Variants in PCDHA4 observed in about 807,000 individuals in gnomAD.
The protein encoded by PCDHA4 is protocadherin alpha-4.
In PCDHA4, 49 loss-of-function variants were observed where a neutral mutation model predicts 61.4. The ratio of observed to expected loss-of-function variants is 0.80; its 90% confidence interval spans 0.63 to 1.01. The LOEUF is 1.01. Among genes scored for constraint, PCDHA4 ranks in the 50% least tolerant of loss-of-function variants. The pLI is 0.00. For missense variants in PCDHA4, 1,254 were observed against 1,235.8 expected (o/e 1.01, Z -0.22); for synonymous variants, 590 against 550.3 (o/e 1.07, Z -1.01).
chr5:140,966,532 G>A (rs1418404048), intron 1 of PCDHA4: 7 of 447,876 alleles, frequency 1.6e-5, no homozygotes, highest in East Asian at 3.5e-5. Flanking sequence ...GAGCCGGGTT[G>A]AGCGACTCGG....
At chr5:140,936,519 G>A (rs77875081) in intron 1 of PCDHA4, among the ~76,000 whole-genome samples, 2,263 of 152,276 alleles carry the variant, frequency 0.015, 25 homozygotes, top group Non-Finnish European at 0.022. Context: ...TAAATTACCT[G>A]AAATTGCTTT....
Position 141,005,651 on chromosome 5 carries a change from G to A in PCDHA4, c.2534-3976G>A, listed in dbSNP as rs1554260215. ...CGGGAGGCGGAGCTTGCAGTGAGTC[G>A]AGATCGCGCCACTGCACTCCAGCCT... On this transcript the variant is annotated intron_variant, in intron 3 of 3. Coordinates refer to ENST00000530339, the MANE Select transcript of PCDHA4 (RefSeq NM_018907.4). Among the ~76,000 whole-genome samples, 4 of 131,238 alleles carry A rather than the reference G, an allele frequency of 3.0e-5. No homozygotes were observed. In the East Asian group the frequency reaches 7.0e-4, roughly 23 times the overall value. The allele number at this position is 131,238 out of a possible 152,430, so 86.1% of individuals were successfully genotyped here.
At chr5:141,000,422 T>TATC (rs1491457105) in intron 3 of PCDHA4, among the ~76,000 whole-genome samples, 2 of 51,852 alleles carry the variant, frequency 3.9e-5, no homozygotes, top group African/African-American at 1.7e-4. Context: ...TATATATATA[T>TATC]TTTTTTTTTT....
chr5:140,858,019 G>C (rs377389644), intron 1 of PCDHA4: 2 of 1,596,850 alleles, frequency 1.3e-6, no homozygotes, highest in Non-Finnish European at 1.7e-6. Flanking sequence ...GCGAGCCGTC[G>C]CTGACGGCCA....
At chr5:140,860,209 G>A (rs1263350528) in intron 1 of PCDHA4, 13 of 147,554 alleles carry the variant, frequency 8.8e-5, no homozygotes, top group Middle Eastern at 7.1e-3. Context: ...ATCTATATAT[G>A]TACTTATGTA....
At position 140,807,373 on chromosome 5, in the gene PCDHA4, C is replaced by T. The variant is rs781951265; in HGVS notation, c.186C>T (p.Arg62=). 3 of 1,607,262 alleles carry T rather than the reference C, an allele frequency of 1.9e-6. No homozygotes were observed. The highest frequency in any genetic ancestry group is 2.5e-6 in the Non-Finnish European group (3 of 1,178,278). ...LGLELAELVP[R]LFRVASKGRG... ...TGGAGCTGGCGGAGCTGGTGCCGCGCCTGTTCCGGGTGGCGTCCAAGGGCC... is the reference window on the plus strand; with the variant it reads ...TGGAGCTGGCGGAGCTGGTGCCGCGTCTGTTCCGGGTGGCGTCCAAGGGCC... The change falls in exon 1 of 4, where the codon CGC becomes CGT. Residue 62 remains arginine, a synonymous_variant. Coordinates refer to ENST00000530339, the MANE Select transcript of PCDHA4 (RefSeq NM_018907.4).
rs2150124281 is a variant in PCDHA4, at chr5:140,823,276, C to T, written c.2385+13704C>T. The T allele has an allele frequency of 1.9e-6, 3 of 1,612,052 alleles. No individual in the cohort carries two copies. Among genetic ancestry groups the T allele is most frequent in the Non-Finnish European group, 2.5e-6 (3 of 1,179,752 alleles). ...GCTGGTGGAGCGGCGGGTGGGCGAGCGCCCGCTGTCGAGTTACGTTTCGGT... is the reference window on the plus strand; with the variant it reads ...GCTGGTGGAGCGGCGGGTGGGCGAGTGCCCGCTGTCGAGTTACGTTTCGGT... On this transcript the variant is annotated intron_variant, in intron 1 of 3. Transcript: ENST00000530339.
chr5:140,960,143 T>C (rs1250145398), intron 1 of PCDHA4, among the ~76,000 whole-genome samples: 1 of 152,208 alleles, frequency 6.6e-6, no homozygotes, highest in Non-Finnish European at 1.5e-5. Context: ...TAGATATTAA[T>C]AGCTTGAGAC....
chr5:140,877,737 G>A, intron 1 of PCDHA4: 6 of 1,614,176 alleles, frequency 3.7e-6, no homozygotes, highest in Non-Finnish European at 5.1e-6. Flanking sequence ...AGCAGAGGAG[G>A]CAGAGGGTGT....
intron 1 of PCDHA4, among the ~76,000 whole-genome samples, chr5:140,924,565 T>A (rs1213361312): frequency 2.0e-5 from 3 of 152,102 alleles, no homozygotes; most frequent in Admixed American, 2.0e-4. Flanking sequence ...TAATCAGCAA[T>A]TTTTAAATGT....
intron 1 of PCDHA4, among the ~76,000 whole-genome samples, chr5:140,893,957 G>T (rs1308768731): frequency 1.3e-5 from 2 of 152,100 alleles, no homozygotes; most frequent in African/African-American, 4.8e-5. Context: ...GACTTTATTA[G>T]TCATTAGATA....
chr5:140,843,635 T>C (rs1554140305), intron 1 of PCDHA4: 2 of 1,595,882 alleles, frequency 1.3e-6, no homozygotes, highest in Non-Finnish European at 1.7e-6. Flanking sequence ...CCTCATGGCC[T>C]TCAGCCCCTG....
At chr5:140,843,639 GC>G in intron 1 of PCDHA4, 1 of 1,595,772 alleles carries the variant, frequency 6.3e-7, no homozygotes, top group Non-Finnish European at 8.6e-7. Flanking sequence ...ATGGCCTTCA[GC>G]CCCTGCCTTC....
At chr5:141,000,347 C>T (rs1587871994) in intron 3 of PCDHA4, among the ~76,000 whole-genome samples, 1 of 114,796 alleles carries the variant, frequency 8.7e-6, no homozygotes, top group Non-Finnish European at 1.8e-5. Flanking sequence ...CTATCTCTCT[C>T]TCTGTCTCTC....
intron 1 of PCDHA4, chr5:140,830,304 C>T (rs2150184699): frequency 6.3e-5 from 101 of 1,613,824 alleles, no homozygotes; most frequent in Non-Finnish European, 8.1e-5. Context: ...GACAAGCCCA[C>T]GCTGGTGTGC....
intron 1 of PCDHA4, among the ~76,000 whole-genome samples, chr5:140,932,168 A>G (rs1279324749): frequency 1.3e-5 from 2 of 151,944 alleles, no homozygotes; most frequent in African/African-American, 4.8e-5. Flanking sequence ...ACAATTAGAC[A>G]ATGTGTACCT....
chr5:140,955,001 A>G (rs551398126), intron 1 of PCDHA4, among the ~76,000 whole-genome samples: 101 of 152,200 alleles, frequency 6.6e-4, no homozygotes, highest in Middle Eastern at 6.8e-3. Flanking sequence ...TGGCTAGCCA[A>G]TTCTCCCAGC....
intron 1 of PCDHA4, among the ~76,000 whole-genome samples, chr5:140,837,701 TC>T (rs1775215037): frequency 6.6e-6 from 1 of 151,452 alleles, no homozygotes; most frequent in South Asian, 2.1e-4. Context: ...CAAGACACGC[TC>T]TCACTCCATC....
intron 2 of PCDHA4, among the ~76,000 whole-genome samples, chr5:140,980,367 C>A (rs1245361324): frequency 2.6e-5 from 4 of 152,174 alleles, no homozygotes; most frequent in Non-Finnish European, 5.9e-5. Flanking sequence ...CGCGGTGGCT[C>A]ACACCTGTAA....
Sources: gnomAD v4.1 joint callset for allele counts (sites outside exome capture counted in the v4.1 genomes callset) on GRCh38, gnomAD v4.1.1 for gene constraint, MANE v1.5 for transcripts, NCBI Gene and HGNC (gene_info 2026-07-23, HGNC 2026-07-21) for gene names.